The following NETO1 variants were observed in gnomAD, a reference collection of about 807,000 sequenced individuals.
NETO1 encodes neuropilin and tolloid like 1, also known as neuropilin and tolloid-like protein 1.
Under a neutral mutation model 61.3 loss-of-function variants are expected in NETO1, and 26 were observed. The ratio of observed to expected loss-of-function variants is 0.42; its 90% CI spans 0.31 to 0.59. NETO1 has a LOEUF of 0.59. Among genes scored for constraint, NETO1 ranks in the 20% least tolerant of loss-of-function variants. NETO1 has a pLI of 0.12. For synonymous variants in NETO1, 225 were observed against 225.8 expected, an observed-to-expected ratio of 1.00 and a Z score of 0.03; for missense variants, 531 against 662.8, an observed-to-expected ratio of 0.80 and a Z score of 2.18.
intron 3 of NETO1, among the ~76,000 whole-genome samples, chr18:72,862,752 C>T (rs2145679312): frequency 6.6e-6 from 1 of 151,972 alleles, no homozygotes; most frequent in Admixed American, 6.6e-5. Context: ...TCCTGAGTAG[C>T]TGGGACTACA....
chr18:72,865,088 T>C, intron 2 of NETO1, 100 bp downstream of exon 2: 2 of 1,405,924 alleles, frequency 1.4e-6, no homozygotes, highest in Non-Finnish European at 2.0e-6. Flanking sequence ...ATACATATTA[T>C]AACAGGTTCA....
chr18:72,802,619 G>T (rs984779709), intron 4 of NETO1, among the ~76,000 whole-genome samples: 1 of 152,176 alleles, frequency 6.6e-6, no homozygotes, highest in East Asian at 1.9e-4. Context: ...CAAATTTTTG[G>T]TTAACTTTCC....
chr18:72,754,149 G>A (rs780602654), intron 8 of NETO1, among the ~76,000 whole-genome samples: 18 of 152,168 alleles, frequency 1.2e-4, no homozygotes, highest in Non-Finnish European at 2.5e-4. Context: ...AAGCTAAGCT[G>A]TATGTTTTAA....
chr18:72,818,205 G>T (rs1196511932), intron 4 of NETO1, among the ~76,000 whole-genome samples: 1 of 152,166 alleles, frequency 6.6e-6, no homozygotes, highest in Non-Finnish European at 1.5e-5. Context: ...ATTTGCAAGT[G>T]TACTAAATAA....
intron 3 of NETO1, among the ~76,000 whole-genome samples, chr18:72,864,232 C>T (rs1280905845): frequency 1.3e-5 from 2 of 152,014 alleles, no homozygotes; most frequent in African/African-American, 4.8e-5. Flanking sequence ...CTTTCCAACA[C>T]CATTTATCTT....
At chr18:72,760,273 TA>T (rs910132924) in intron 7 of NETO1, among the ~76,000 whole-genome samples, 11 of 152,344 alleles carry the variant, frequency 7.2e-5, no homozygotes, top group African/African-American at 2.6e-4. Context: ...AAGTAGACAC[TA>T]CAACACTTCA....
intron 3 of NETO1, 132 bp from the exon 4 acceptor site, chr18:72,859,206 G>A: frequency 2.3e-6 from 2 of 868,094 alleles, no homozygotes; most frequent in Non-Finnish European, 3.4e-6. Context: ...GAAATATAAA[G>A]AAAGCATATG....
At chr18:72,758,790 T>G (rs1050618348) in intron 7 of NETO1, among the ~76,000 whole-genome samples, 6 of 152,030 alleles carry the variant, frequency 3.9e-5, no homozygotes, top group Non-Finnish European at 8.8e-5. Flanking sequence ...GAGCCGAGAT[T>G]GCGCCACTGT....
intron 7 of NETO1, among the ~76,000 whole-genome samples, chr18:72,758,337 G>C (rs2070852864): frequency 6.7e-6 from 1 of 150,036 alleles, no homozygotes; most frequent in Non-Finnish European, 1.5e-5. Flanking sequence ...AAATATGCCA[G>C]TTAATTAGGA....
chr18:72,773,512 C>A (rs2071445097), intron 7 of NETO1, among the ~76,000 whole-genome samples: 1 of 152,112 alleles, frequency 6.6e-6, no homozygotes, highest in South Asian at 2.1e-4. Flanking sequence ...TACCCAAATC[C>A]CACTTTGAAT....
Position 72,865,798 on chromosome 18 carries a change from A to T in NETO1, c.29-557T>A, listed in dbSNP as rs531825724. 134 of 1,100,158 alleles carry T rather than the reference A, an allele frequency of 1.2e-4. 1 individual carries two copies. The South Asian group carries it at 1.6e-3, about 13-fold the overall frequency. The allele number at this position is 1,100,158 out of a possible 1,614,324, so 68.1% of individuals were successfully genotyped here. A position where few individuals can be genotyped will look rare whatever the true frequency, so the allele number is the denominator to read the frequency against. ...TGGATTGTGGGCATTAAGCACCATT[A>T]TTGGAATGTTGCCTACAAAAATGTT... On this transcript the variant is annotated intron_variant, in intron 1 of 10. Coordinates refer to ENST00000327305, the MANE Select transcript of NETO1 (RefSeq NM_138966.5).
chr18:72,815,221 G>A (rs2072995141), intron 4 of NETO1, among the ~76,000 whole-genome samples: 1 of 151,990 alleles, frequency 6.6e-6, no homozygotes, highest in Non-Finnish European at 1.5e-5. Context: ...AGCAAATATA[G>A]TATTTAGAAG....
At position 72,794,162 on chromosome 18, in the gene NETO1, C is replaced by G. The variant is rs1185725806; in HGVS notation, c.594G>C (p.Glu198Asp). 6.2e-7 allele frequency: 1 copy of G among 1,614,188 alleles called. No homozygotes were observed. The highest frequency in any genetic ancestry group is 8.5e-7 in the Non-Finnish European group (1 of 1,180,034). Residue 198 changes from glutamate (E) to aspartate (D), a missense_variant, in exon 6 of 11, where the codon GAG (glutamate) becomes GAC (aspartate). Transcript: ENST00000327305. ...IMKEGKATASEAVDCKWYIRA... is the reference protein window; with the variant it reads ...IMKEGKATASDAVDCKWYIRA... ...GGATGTACCACTTGCAATCAACAGC[C>G]TCGCTAGCAGTAGCTTTGCCTTCCT...
At chr18:72,832,680 C>T (rs2145404861) in intron 4 of NETO1, among the ~76,000 whole-genome samples, 1 of 152,220 alleles carries the variant, frequency 6.6e-6, no homozygotes, top group Admixed American at 6.5e-5. Flanking sequence ...CTAGACTAAC[C>T]CAATTTATTC....
chr18:72,780,933 TA>T (rs1244705115), intron 7 of NETO1, among the ~76,000 whole-genome samples: 2 of 152,126 alleles, frequency 1.3e-5, no homozygotes, highest in Non-Finnish European at 2.9e-5. Flanking sequence ...CAGCTTCCTA[TA>T]AAACTAAAAT....
chr18:72,754,608 G>A (rs540171428), intron 8 of NETO1, among the ~76,000 whole-genome samples: 25 of 152,130 alleles, frequency 1.6e-4, no homozygotes, highest in African/African-American at 7.2e-5. Flanking sequence ...TGATAAAAGC[G>A]TCATGAGGAA....
intron 4 of NETO1, chr18:72,835,276 C>A (rs2073707702): frequency 6.3e-7 from 1 of 1,577,686 alleles, no homozygotes. Context: ...AAGGAGAGAT[C>A]ACGAAACACT....
chr18:72,831,792 C>T (rs2073588421), intron 4 of NETO1, among the ~76,000 whole-genome samples: 1 of 151,754 alleles, frequency 6.6e-6, no homozygotes, highest in Non-Finnish European at 1.5e-5. Flanking sequence ...TTATTTCACG[C>T]AAACTAAATC....
At position 72,852,502 on chromosome 18, in the gene NETO1, A is replaced by G. The variant is rs1288537808; in HGVS notation, c.469+6324T>C. On this transcript the variant is annotated intron_variant, in intron 4 of 10. Coordinates refer to ENST00000327305, the MANE Select transcript of NETO1 (RefSeq NM_138966.5). ...AGTGCCGGGATTACAGGCGTGAGCC[A>G]CCGTGCCCGGCCGGAAGACACTCTT... Among the ~76,000 whole-genome samples the G allele has an allele frequency of 3.3e-5, 5 of 152,236 alleles. No individual in the cohort carries two copies. The East Asian group carries it at 9.6e-4, about 29-fold the overall frequency.
Sources: gnomAD v4.1 joint callset for allele counts (sites outside exome capture counted in the v4.1 genomes callset) on GRCh38, gnomAD v4.1.1 for gene constraint, MANE v1.5 for transcripts, NCBI Gene and HGNC (gene_info 2026-07-23, HGNC 2026-07-21) for gene names.